CCBE1: variants seen among roughly 807,000 people sequenced by gnomAD.
The protein encoded by CCBE1 is collagen and calcium-binding EGF domain-containing protein 1.
CCBE1 carries 37 observed loss-of-function variants against 50.0 expected under a neutral mutation model. The observed-to-expected ratio is 0.74, with a 90% CI of 0.57 to 0.97. The LOEUF is 0.97. Among genes scored for constraint, CCBE1 ranks in the 50% least tolerant of loss-of-function variants. The pLI is 0.00. For missense variants in CCBE1, 538 were observed against 523.8 expected (o/e 1.03, Z -0.26); for synonymous variants, 234 against 203.7 (o/e 1.15, Z -1.27).
chr18:59,690,971 T>TTA (rs1181156926), intron 2 of CCBE1, among the ~76,000 whole-genome samples: 3 of 152,182 alleles, frequency 2.0e-5, no homozygotes, highest in Non-Finnish European at 2.9e-5. Context: ...ACATTAGCAA[T>TTA]TAAAGTTAAG....
At chr18:59,471,388 G>A (rs968030278) in intron 3 of CCBE1, among the ~76,000 whole-genome samples, 7 of 152,086 alleles carry the variant, frequency 4.6e-5, no homozygotes, top group African/African-American at 1.7e-4. Context: ...GGCCTCCTGT[G>A]CCCTGCAGTC....
At chr18:59,690,985 A>C (rs1461161442) in intron 2 of CCBE1, among the ~76,000 whole-genome samples, 3 of 152,236 alleles carry the variant, frequency 2.0e-5, no homozygotes, top group East Asian at 3.8e-4. Context: ...AGTTAAGCGG[A>C]TCTAACTTGG....
intron 2 of CCBE1, among the ~76,000 whole-genome samples, chr18:59,596,668 G>A (rs75575418): frequency 9.9e-5 from 15 of 152,152 alleles, no homozygotes; most frequent in Admixed American, 2.0e-4. Context: ...TCATATCCAC[G>A]TCTCTCGTTT....
chr18:59,553,641 G>A (rs1331606741), intron 2 of CCBE1, among the ~76,000 whole-genome samples: 1 of 152,186 alleles, frequency 6.6e-6, no homozygotes, highest in Non-Finnish European at 1.5e-5. Context: ...ACCAGTCGCA[G>A]TGCCACTCCT....
intron 5 of CCBE1, 92 bp from the exon 6 acceptor site, chr18:59,455,043 G>T: frequency 1.0e-6 from 1 of 996,802 alleles, no homozygotes; most frequent in Non-Finnish European, 1.6e-6. Flanking sequence ...CCCAGGGACA[G>T]AGTAGCTGAC....
chr18:59,532,579 C>T (rs1437272044), intron 2 of CCBE1, among the ~76,000 whole-genome samples: 1 of 152,180 alleles, frequency 6.6e-6, no homozygotes, highest in East Asian at 1.9e-4. Context: ...CAATAATTTG[C>T]CTCCCATTTT....
chr18:59,438,050 C>T, intron 10 of CCBE1, 61 bp downstream of exon 10: 1 of 1,554,840 alleles, frequency 6.4e-7, no homozygotes, highest in African/African-American at 1.4e-5. Flanking sequence ...CCTATAGGCT[C>T]ATCAGAGCTG....
chr18:59,697,111 G>A (rs2054818510), intron 1 of CCBE1, 101 bp downstream of exon 1: 3 of 1,475,462 alleles, frequency 2.0e-6, no homozygotes, highest in South Asian at 2.5e-5. Flanking sequence ...AGGGCGTGCG[G>A]ATCGCTGTGG....
In CCBE1 at chr18:59,448,050, G is replaced by C; in HGVS notation, c.708C>G (p.Asp236Glu). Residue 236 changes from aspartate to glutamate, a missense_variant, in exon 7 of 11, where the codon GAC (aspartate) becomes GAG (glutamate). Transcript: ENST00000439986. Reference protein sequence around the residue: ...AADLGKYITGDKVLASNTYLP... With the variant: ...AADLGKYITGEKVLASNTYLP... ...GGTAGGTGTTTGAGGCCAGCACCTTGTCACCAGTGATATACTTGCCCAGGT... is the reference window on the plus strand; with the variant it reads ...GGTAGGTGTTTGAGGCCAGCACCTTCTCACCAGTGATATACTTGCCCAGGT... 1.2e-6 allele frequency: 2 copies of C among 1,614,172 alleles called. No individual in the cohort carries two copies. Among genetic ancestry groups the C allele is most frequent in the Non-Finnish European group, 1.7e-6 (2 of 1,180,030 alleles).
intron 2 of CCBE1, among the ~76,000 whole-genome samples, chr18:59,618,198 C>T (rs919325159): frequency 6.6e-6 from 1 of 152,046 alleles, no homozygotes; most frequent in African/African-American, 2.4e-5. Context: ...CCTGCAACCC[C>T]AGCTACTTGG....
chr18:59,524,049 A>C (rs1031035361), intron 2 of CCBE1, among the ~76,000 whole-genome samples: 1 of 152,180 alleles, frequency 6.6e-6, no homozygotes, highest in African/African-American at 2.4e-5. Context: ...GGCCGGGCTT[A>C]TTGTCTCACG....
intron 2 of CCBE1, among the ~76,000 whole-genome samples, chr18:59,625,469 T>C (rs148664723): frequency 8.6e-4 from 129 of 149,744 alleles, no homozygotes; most frequent in African/African-American, 3.1e-3. Flanking sequence ...AGCCATATAC[T>C]GATGCTTGCA....
rs572274890 is a variant in CCBE1, at chr18:59,632,591, TATTG to T, written c.212+64034_212+64037del. ...GCCCAGCCTTTAAATTTTTGTTTTGTATTGTTTTTGTTTTTGAGATGGAGTCTTA... is the reference window on the plus strand; with the variant it reads ...GCCCAGCCTTTAAATTTTTGTTTTGTTTTTTGTTTTTGAGATGGAGTCTTA... On this transcript the variant is annotated intron_variant, in intron 2 of 10. Transcript: ENST00000439986. Among the ~76,000 whole-genome samples, 22 of 150,248 alleles carry T rather than the reference TATTG, an allele frequency of 1.5e-4. 1 individual carries two copies. In the South Asian group the frequency reaches 4.5e-3, roughly 31 times the overall value.
chr18:59,540,971 T>C (rs963743058), intron 2 of CCBE1, among the ~76,000 whole-genome samples: 4 of 152,188 alleles, frequency 2.6e-5, no homozygotes, highest in Non-Finnish European at 5.9e-5. Flanking sequence ...CTCAAAGACC[T>C]AGTCCCTAGA....
chr18:59,532,462 C>T (rs1915090803), intron 2 of CCBE1, among the ~76,000 whole-genome samples: 1 of 152,168 alleles, frequency 6.6e-6, no homozygotes, highest in South Asian at 2.1e-4. Context: ...GGACCTGTAC[C>T]AATAGCTTGC....
intron 2 of CCBE1, among the ~76,000 whole-genome samples, chr18:59,616,810 T>G (rs2144595536): frequency 6.6e-6 from 1 of 152,352 alleles, no homozygotes; most frequent in Middle Eastern, 3.4e-3. Flanking sequence ...CTGCCAGATT[T>G]AATTTCAAAG....
At chr18:59,663,132 T>TA (rs1168606049) in intron 2 of CCBE1, among the ~76,000 whole-genome samples, 1 of 152,186 alleles carries the variant, frequency 6.6e-6, no homozygotes, top group Non-Finnish European at 1.5e-5. Context: ...GGAAGAAGGA[T>TA]AAGATACTTT....
intron 2 of CCBE1, among the ~76,000 whole-genome samples, chr18:59,516,829 G>A (rs1393930084): frequency 6.6e-6 from 1 of 152,222 alleles, no homozygotes; most frequent in Non-Finnish European, 1.5e-5. Context: ...GTGAGTGTCT[G>A]CAAGCTGTCC....
intron 2 of CCBE1, among the ~76,000 whole-genome samples, chr18:59,500,082 A>G (rs547224998): frequency 6.6e-6 from 1 of 152,332 alleles, no homozygotes; most frequent in Admixed American, 6.5e-5. Context: ...GAGTCAAAAG[A>G]TAAGTCCCAG....
Sources: allele counts gnomAD v4.1 joint callset (sites outside exome capture counted in the v4.1 genomes callset), GRCh38; gene constraint gnomAD v4.1.1; transcripts MANE v1.5; gene names NCBI Gene and HGNC (gene_info 2026-07-23, HGNC 2026-07-21).